DLGAP2: variants seen among roughly 807,000 people sequenced by gnomAD.
DLGAP2 encodes the protein DLG associated protein 2, also known as disks large-associated protein 2.
Under a neutral mutation model 100.3 loss-of-function variants are expected in DLGAP2, and 26 were observed. The observed-to-expected ratio is 0.26, with a 90% CI of 0.19 to 0.36. DLGAP2 has a LOEUF of 0.36. Ranked by LOEUF, DLGAP2 falls within the 10% of genes least tolerant of loss-of-function variation. The pLI is 1.00. For missense variants in DLGAP2, 1,858 were observed against 1,453.2 expected (o/e 1.28, Z -4.53); for synonymous variants, 886 against 630.1 (o/e 1.41, Z -6.08).
rs570084170 is a variant in DLGAP2 at position 1,591,351 on chromosome 8, A to G, written c.1442+25457A>G. The stretch of plus-strand genomic sequence containing the variant: ...GGCCAGGTGGGAAGGAGGATGGAGG[A>G]GAAAGAAGGCTCTTGACTGAGCAAA... On this transcript the variant is annotated intron_variant, in intron 6 of 14. Transcript: ENST00000637795. 2.6e-5 allele frequency among the ~76,000 whole-genome samples: 4 copies of G among 152,276 alleles called. No homozygotes were observed. In the South Asian group the frequency reaches 8.3e-4, roughly 32 times the overall value.
chr8:1,351,436 A>C (rs1443274809), intron 3 of DLGAP2, among the ~76,000 whole-genome samples: 2 of 37,628 alleles, frequency 5.3e-5, no homozygotes, highest in African/African-American at 7.7e-5. Context: ...GTGTGTGGAA[A>C]GGCCGTGTGG....
At chr8:1,173,898 C>T (rs966377613) in intron 2 of DLGAP2, among the ~76,000 whole-genome samples, 1 of 152,190 alleles carries the variant, frequency 6.6e-6, no homozygotes, top group Non-Finnish European at 1.5e-5. Flanking sequence ...TGACCTGCGC[C>T]CACCTCTGGC....
intron 2 of DLGAP2, among the ~76,000 whole-genome samples, chr8:1,193,029 T>C (rs1021551611): frequency 1.3e-5 from 2 of 152,164 alleles, no homozygotes; most frequent in African/African-American, 4.8e-5. Flanking sequence ...TGCATAGTAT[T>C]CCATGGTGTA....
chr8:826,395 C>T (rs993691498), intron 1 of DLGAP2, among the ~76,000 whole-genome samples: 1 of 152,106 alleles, frequency 6.6e-6, no homozygotes, highest in Non-Finnish European at 1.5e-5. Flanking sequence ...CTGTCTTGGT[C>T]TTTATTATTT....
chr8:1,231,739 T>A lies in DLGAP2; in HGVS notation c.74-27112T>A, dbSNP rs973038232. Among the ~76,000 whole-genome samples the A allele has an allele frequency of 8.5e-5, 13 of 152,110 alleles. No individual in the cohort carries two copies. In the East Asian group the frequency reaches 2.5e-3, roughly 29 times the overall value. On this transcript the variant is annotated intron_variant, in intron 2 of 14. Transcript: ENST00000637795. ...ACTAACACAGGAACAGAAAATCAAA[T>A]AGTGAATGTTCTCATTTGGAAGTAT... is the stretch of plus-strand genomic sequence containing the variant.
intron 3 of DLGAP2, among the ~76,000 whole-genome samples, chr8:1,410,263 G>A (rs1215253008): frequency 6.6e-6 from 1 of 152,180 alleles, no homozygotes; most frequent in Non-Finnish European, 1.5e-5. Context: ...GTGAGGCACT[G>A]GCAATGAGGA....
chr8:1,165,580 A>G (rs1443253020), intron 2 of DLGAP2, among the ~76,000 whole-genome samples: 1 of 152,272 alleles, frequency 6.6e-6, no homozygotes, highest in Non-Finnish European at 1.5e-5. Flanking sequence ...TCAGCCAGCA[A>G]GACAGGCAGT....
At chr8:1,576,990 G>A (rs1277707420) in intron 6 of DLGAP2, among the ~76,000 whole-genome samples, 3 of 152,154 alleles carry the variant, frequency 2.0e-5, no homozygotes, top group Non-Finnish European at 4.4e-5. Context: ...GAACAAAGCT[G>A]GAGGCATCAC....
At chr8:1,127,552 C>G (rs1796196330) in intron 2 of DLGAP2, among the ~76,000 whole-genome samples, 1 of 152,206 alleles carries the variant, frequency 6.6e-6, no homozygotes, top group Non-Finnish European at 1.5e-5. Flanking sequence ...TTGGCTGACC[C>G]TCCTGCATCC....
chr8:1,192,037 C>A (rs375124997), intron 2 of DLGAP2, among the ~76,000 whole-genome samples: 1 of 152,198 alleles, frequency 6.6e-6, no homozygotes, highest in African/African-American at 2.4e-5. Context: ...ACTGGACATT[C>A]GTAGCCGCTG....
intron 3 of DLGAP2, among the ~76,000 whole-genome samples, chr8:1,318,769 C>T (rs1209180110): frequency 2.5e-5 from 3 of 120,950 alleles, no homozygotes; most frequent in Admixed American, 8.8e-5. Context: ...AATCCATTGT[C>T]AGTGATCAGC....
intron 6 of DLGAP2, among the ~76,000 whole-genome samples, chr8:1,614,157 C>G (rs937208221): frequency 1.3e-5 from 2 of 152,152 alleles, no homozygotes; most frequent in African/African-American, 4.8e-5. Flanking sequence ...TCATCACATA[C>G]TTCTCATGGG....
At chr8:1,496,197 A>G (rs1799540715) in intron 3 of DLGAP2, among the ~76,000 whole-genome samples, 2 of 152,062 alleles carry the variant, frequency 1.3e-5, no homozygotes, top group Admixed American at 6.6e-5. Context: ...CTTCATTGGC[A>G]GAGTGTTCTG....
chr8:1,338,098 G>C (rs1396801913), intron 3 of DLGAP2, among the ~76,000 whole-genome samples: 2 of 152,222 alleles, frequency 1.3e-5, no homozygotes, highest in Admixed American at 1.3e-4. Flanking sequence ...CACGTAAAAT[G>C]GTGCAGCCAT....
At chr8:1,455,054 C>T (rs1212885323) in intron 3 of DLGAP2, among the ~76,000 whole-genome samples, 1 of 152,226 alleles carries the variant, frequency 6.6e-6, no homozygotes, top group Admixed American at 6.5e-5. Flanking sequence ...ATACCGGATG[C>T]AAGGAAGGTT....
intron 3 of DLGAP2, among the ~76,000 whole-genome samples, chr8:1,465,800 T>G (rs140657136): frequency 1.2e-3 from 178 of 152,308 alleles, no homozygotes; most frequent in African/African-American, 4.2e-3. Flanking sequence ...CCGGCCCCTC[T>G]GTGCCGCGTT....
intron 2 of DLGAP2, chr8:1,137,403 G>C (rs1443047401): frequency 6.6e-6 from 1 of 152,634 alleles, no homozygotes; most frequent in Non-Finnish European, 1.5e-5. Flanking sequence ...GCTGCCCCGA[G>C]CTGATGTCCC....
intron 2 of DLGAP2, among the ~76,000 whole-genome samples, chr8:1,244,047 C>T (rs6986135): frequency 0.77 from 115,786 of 150,958 alleles, 44,950 homozygotes; most frequent in Middle Eastern, 0.89. Flanking sequence ...CAGCTCCCAG[C>T]CTCCGCACTC....
chr8:865,815 A>C (rs538165444), intron 1 of DLGAP2, among the ~76,000 whole-genome samples: 3 of 152,274 alleles, frequency 2.0e-5, no homozygotes, highest in African/African-American at 7.2e-5. Flanking sequence ...GGGTCTGCCC[A>C]GCTACAGGGT....
Sources: allele counts gnomAD v4.1 joint callset (sites outside exome capture counted in the v4.1 genomes callset), GRCh38; gene constraint gnomAD v4.1.1; transcripts MANE v1.5; gene names NCBI Gene and HGNC (gene_info 2026-07-23, HGNC 2026-07-21).